The following SLC39A11 variants were observed in gnomAD, a reference collection of about 807,000 sequenced individuals.
SLC39A11 encodes the protein zinc transporter ZIP11.
Under a neutral mutation model 36.1 loss-of-function variants are expected in SLC39A11, and 33 were observed. The observed-to-expected ratio is 0.91, with a 90% CI of 0.69 to 1.22. The LOEUF (loss-of-function observed/expected upper bound fraction) is 1.22, where lower values mean the gene tolerates loss of function less well. SLC39A11 is among the 50% of genes most tolerant of loss of function. The pLI is 0.00. For missense variants in SLC39A11, 432 were observed against 430.3 expected (o/e 1.00, Z -0.03); for synonymous variants, 166 against 170.3 (o/e 0.97, Z 0.20).
intron 5 of SLC39A11, among the ~76,000 whole-genome samples, chr17:72,862,046 T>C (rs1384456733): frequency 6.6e-6 from 1 of 151,958 alleles, no homozygotes; most frequent in Non-Finnish European, 1.5e-5. Context: ...AATCAACCCA[T>C]TCAAATGCAG....
At position 73,008,105 on chromosome 17, in the gene SLC39A11, A is replaced by AAAAAAGAAAAAGAAAAAG. The variant is rs71154943; in HGVS notation, c.306+23433_306+23450dup. Among the ~76,000 whole-genome samples, 439 of 139,714 alleles carry AAAAAAGAAAAAGAAAAAG rather than the reference A, an allele frequency of 3.1e-3. 1 individual carries two copies. The highest frequency in any genetic ancestry group is 5.2e-3 in the Non-Finnish European group (344 of 65,762). The allele number at this position is 139,714 out of a possible 152,430, so 91.7% of individuals were successfully genotyped here. Reference sequence around the variant, plus strand: ...GTGACAGAGCGAGACTCAGTCTCAAAAAAAAGAAAAAGAAAAAGAAAAAGA... The same window carrying AAAAAAGAAAAAGAAAAAG: ...GTGACAGAGCGAGACTCAGTCTCAAAAAAAAGAAAAAGAAAAAGAAAAAGAAAAAGAAAAAGAAAAAGA... On this transcript the variant is annotated intron_variant, in intron 4 of 9. Transcript: ENST00000255559.
At chr17:72,885,319 C>T (rs1464093052) in intron 5 of SLC39A11, among the ~76,000 whole-genome samples, 1 of 105,618 alleles carries the variant, frequency 9.5e-6, no homozygotes, top group East Asian at 4.2e-4. Context: ...AGCATTGGTT[C>T]TGTGCAGCTG....
chr17:72,805,382 C>T (rs1007959261), intron 6 of SLC39A11, among the ~76,000 whole-genome samples: 4 of 152,158 alleles, frequency 2.6e-5, no homozygotes, highest in African/African-American at 9.7e-5. Context: ...CCAGGGCTCT[C>T]GGGAGGCTAA....
At chr17:72,785,378 G>A (rs1206762798) in intron 6 of SLC39A11, among the ~76,000 whole-genome samples, 1 of 131,724 alleles carries the variant, frequency 7.6e-6, no homozygotes, top group Non-Finnish European at 1.6e-5. Flanking sequence ...AGAACCCAGA[G>A]AAAGAGTCGG....
intron 6 of SLC39A11, among the ~76,000 whole-genome samples, chr17:72,778,543 C>T (rs959481318): frequency 6.6e-6 from 1 of 152,198 alleles, no homozygotes; most frequent in Non-Finnish European, 1.5e-5. Context: ...GTATTGATGA[C>T]TCAGAAGCAT....
At chr17:72,826,999 T>A (rs1423738951) in intron 6 of SLC39A11, among the ~76,000 whole-genome samples, 2 of 152,176 alleles carry the variant, frequency 1.3e-5, no homozygotes, top group Non-Finnish European at 2.9e-5. Context: ...CACTACTAAG[T>A]TTAGACCCAA....
At chr17:73,073,460 C>T (rs941394328) in intron 3 of SLC39A11, among the ~76,000 whole-genome samples, 2 of 152,156 alleles carry the variant, frequency 1.3e-5, no homozygotes, top group Non-Finnish European at 2.9e-5. Flanking sequence ...CAAGGTCCTA[C>T]CAAACCAACC....
intron 6 of SLC39A11, among the ~76,000 whole-genome samples, chr17:72,760,804 C>T (rs540774917): frequency 6.6e-6 from 1 of 152,334 alleles, no homozygotes; most frequent in Admixed American, 6.5e-5. Flanking sequence ...AGGCTGTGTA[C>T]TCATGCCACC....
rs34317750 is a variant in SLC39A11, at chr17:73,031,658, C to A, written c.204G>T (p.Thr68=). The change falls in exon 4 of 10, where the codon ACG becomes ACT. Residue 68 remains threonine (T), a synonymous_variant. Coordinates refer to ENST00000255559, the MANE Select transcript of SLC39A11 (RefSeq NM_139177.4). ...CAAAGGCACCGAAGCCCCCAGAGGA[C>A]GTGGCCATCTCAACTGCTGGGGCCA... ...SLLAPAVEMA[T]SSGGFGAFAF... 30,941 of 1,614,040 alleles carry A rather than the reference C, an allele frequency of 0.019. 1,473 individuals are homozygous for A. The highest frequency in any genetic ancestry group is 0.14 in the African/African-American group (10,815 of 74,968).
chr17:72,924,951 G>A (rs948768245), intron 5 of SLC39A11, among the ~76,000 whole-genome samples: 12 of 147,490 alleles, frequency 8.1e-5, no homozygotes, highest in East Asian at 6.0e-4. Flanking sequence ...GCAGTGAGCC[G>A]AGATTGTGCC....
At chr17:72,702,832 G>A (rs1436822093) in intron 7 of SLC39A11, among the ~76,000 whole-genome samples, 1 of 151,160 alleles carries the variant, frequency 6.6e-6, no homozygotes, top group Non-Finnish European at 1.5e-5. Context: ...AGCTACTCAG[G>A]AGGCTGAGGC....
chr17:73,020,818 G>A (rs1431153317), intron 4 of SLC39A11, among the ~76,000 whole-genome samples: 1 of 150,820 alleles, frequency 6.6e-6, no homozygotes, highest in African/African-American at 2.4e-5. Flanking sequence ...GAGTAGCTGG[G>A]GCTACAGGCG....
At chr17:72,734,563 T>C (rs1219569974) in intron 7 of SLC39A11, among the ~76,000 whole-genome samples, 2 of 152,228 alleles carry the variant, frequency 1.3e-5, no homozygotes, top group African/African-American at 4.8e-5. Context: ...TCGAGGGCTT[T>C]TGTAACTGAG....
In SLC39A11 at chr17:72,968,976, G is replaced by A. The variant is rs2087225016; in HGVS notation, c.307-21101C>T. ...GTCCTCTGGCTCACCCATCTCTGATGCACGTGCTCAGGTCTACCATGGGAA... is the reference window on the plus strand; with the variant it reads ...GTCCTCTGGCTCACCCATCTCTGATACACGTGCTCAGGTCTACCATGGGAA... On this transcript the variant is annotated intron_variant, in intron 4 of 9. Coordinates refer to ENST00000255559, the MANE Select transcript of SLC39A11 (RefSeq NM_139177.4). 2.6e-5 allele frequency among the ~76,000 whole-genome samples: 4 copies of A among 152,102 alleles called. No homozygotes were observed. The South Asian group carries it at 8.3e-4, about 32-fold the overall frequency.
At chr17:72,879,200 G>A (rs558724920) in intron 5 of SLC39A11, among the ~76,000 whole-genome samples, 26 of 152,282 alleles carry the variant, frequency 1.7e-4, no homozygotes, top group African/African-American at 5.5e-4. Context: ...TTATGGAGGC[G>A]TCATGATTTA....
intron 7 of SLC39A11, among the ~76,000 whole-genome samples, chr17:72,731,659 A>G (rs1472567250): frequency 6.6e-6 from 1 of 151,956 alleles, no homozygotes; most frequent in African/African-American, 2.4e-5. Flanking sequence ...CTAGCATCTC[A>G]CTTTGGATGG....
intron 6 of SLC39A11, among the ~76,000 whole-genome samples, chr17:72,741,727 A>G (rs536308071): frequency 2.9e-4 from 44 of 152,246 alleles, no homozygotes; most frequent in Middle Eastern, 6.8e-3. Context: ...AGGTGATGGG[A>G]GCTGGTCTGA....
At chr17:73,020,372 G>A (rs749295878) in intron 4 of SLC39A11, among the ~76,000 whole-genome samples, 34 of 152,182 alleles carry the variant, frequency 2.2e-4, no homozygotes, top group Admixed American at 7.2e-4. Context: ...GAGAACACAA[G>A]AAGGTGGCCA....
chr17:73,079,544 G>T (rs1320078096), intron 3 of SLC39A11, among the ~76,000 whole-genome samples: 1 of 152,086 alleles, frequency 6.6e-6, no homozygotes, highest in African/African-American at 2.4e-5. Flanking sequence ...ACATTATACT[G>T]AAAGGGGAAA....
Sources: gnomAD v4.1 joint callset for allele counts (sites outside exome capture counted in the v4.1 genomes callset) on GRCh38, gnomAD v4.1.1 for gene constraint, MANE v1.5 for transcripts, NCBI Gene and HGNC (gene_info 2026-07-23, HGNC 2026-07-21) for gene names.